ST6GALNAC3: variants seen among roughly 807,000 people sequenced by gnomAD.
ST6GALNAC3 encodes the protein alpha-N-acetylgalactosaminide alpha-2,6-sialyltransferase 3.
ST6GALNAC3 carries 25 observed loss-of-function variants against 32.7 expected under a neutral mutation model. The ratio of observed to expected loss-of-function variants is 0.76; its 90% CI spans 0.56 to 1.07. The LOEUF is 1.07. Ranked by LOEUF, ST6GALNAC3 falls within the 50% of genes least tolerant of loss-of-function variation. The pLI is 0.00. For synonymous variants in ST6GALNAC3, 129 were observed against 133.1 expected, an observed-to-expected ratio of 0.97 and a Z score of 0.21; for missense variants, 355 against 382.4, an observed-to-expected ratio of 0.93 and a Z score of 0.60.
intron 3 of ST6GALNAC3, among the ~76,000 whole-genome samples, chr1:76,444,391 T>C (rs905782627): frequency 6.6e-6 from 1 of 152,158 alleles, no homozygotes; most frequent in Non-Finnish European, 1.5e-5. Context: ...CAGTACCAAT[T>C]CTGGACCTGA....
chr1:76,333,030 C>G lies in ST6GALNAC3; in HGVS notation c.213+19031C>G, dbSNP rs369736940. On this transcript the variant is annotated intron_variant, in intron 2 of 4. Coordinates refer to ENST00000328299, the MANE Select transcript of ST6GALNAC3 (RefSeq NM_152996.4). ...CCATAGGCCCCTGAAAGGCTGGACC[C>G]TCTTTGCATCTCAAGTCTTCTTCTT... Among the ~76,000 whole-genome samples, 18 of 152,272 alleles carry G rather than the reference C, an allele frequency of 1.2e-4. 1 individual carries two copies. The highest frequency in any genetic ancestry group is 4.3e-4 in the African/African-American group (18 of 41,556).
intron 3 of ST6GALNAC3, among the ~76,000 whole-genome samples, chr1:76,415,013 CCTT>C (rs545684004): frequency 1.3e-3 from 197 of 151,920 alleles, no homozygotes; most frequent in Non-Finnish European, 2.3e-3. Flanking sequence ...CCCTGTCTCT[CCTT>C]CTCTCTTCTA....
intron 1 of ST6GALNAC3, among the ~76,000 whole-genome samples, chr1:76,200,348 G>T (rs1480103119): frequency 1.3e-5 from 2 of 152,218 alleles, no homozygotes; most frequent in Non-Finnish European, 2.9e-5. Flanking sequence ...CAGAGAGAAA[G>T]AATTCCCAGT....
intron 1 of ST6GALNAC3, among the ~76,000 whole-genome samples, chr1:76,205,175 T>C (rs1048477768): frequency 2.0e-5 from 3 of 152,240 alleles, no homozygotes; most frequent in Non-Finnish European, 4.4e-5. Flanking sequence ...TTAGATCTGA[T>C]TTAACCCTAA....
At chr1:76,131,408 G>C (rs1376707955) in intron 1 of ST6GALNAC3, among the ~76,000 whole-genome samples, 1 of 152,202 alleles carries the variant, frequency 6.6e-6, no homozygotes, top group Non-Finnish European at 1.5e-5. Context: ...CCTGAGGGAA[G>C]ACGGAAAAAG....
chr1:76,591,878 G>A (rs1647053244), intron 3 of ST6GALNAC3, among the ~76,000 whole-genome samples: 1 of 152,120 alleles, frequency 6.6e-6, no homozygotes, highest in African/African-American at 2.4e-5. Context: ...GAAGAAGAGT[G>A]CCTGGCATGT....
At chr1:76,611,264 A>T (rs991663598) in intron 3 of ST6GALNAC3, among the ~76,000 whole-genome samples, 15 of 151,748 alleles carry the variant, frequency 9.9e-5, no homozygotes, top group African/African-American at 2.4e-4. Context: ...ATTCAAAATA[A>T]TTTTTTTCTA....
At chr1:76,567,078 GGA>G (rs1470091439) in intron 3 of ST6GALNAC3, among the ~76,000 whole-genome samples, 1 of 152,050 alleles carries the variant, frequency 6.6e-6, no homozygotes, top group African/African-American at 2.4e-5. Context: ...AGAAAAGAAG[GGA>G]GAGAGGAAAA....
rs914281656 is a variant in ST6GALNAC3 at position 76,273,961 on chromosome 1, C to A, written c.19-39844C>A. 3.3e-5 allele frequency among the ~76,000 whole-genome samples: 5 copies of A among 152,142 alleles called. No individual in the cohort carries two copies. In the East Asian group the frequency reaches 9.6e-4, roughly 29 times the overall value. ...CAGTGGTAACATGTTTTATGGCCCA[C>A]AGGTGAGAGTCCCATTTATCACAGA... On this transcript the variant is annotated intron_variant, in intron 1 of 4. Transcript: ENST00000328299.
At chr1:76,469,692 C>T (rs1186218688) in intron 3 of ST6GALNAC3, among the ~76,000 whole-genome samples, 2 of 152,060 alleles carry the variant, frequency 1.3e-5, no homozygotes, top group African/African-American at 4.8e-5. Flanking sequence ...TGAGCAGTTA[C>T]TTTATTTCAG....
chr1:76,460,770 A>G (rs1335443914), intron 3 of ST6GALNAC3, among the ~76,000 whole-genome samples: 1 of 152,212 alleles, frequency 6.6e-6, no homozygotes, highest in African/African-American at 2.4e-5. Context: ...ATAGAAATGG[A>G]TGTCTTTCAA....
At chr1:76,348,211 A>G (rs1246349750) in intron 2 of ST6GALNAC3, among the ~76,000 whole-genome samples, 1 of 152,174 alleles carries the variant, frequency 6.6e-6, no homozygotes, top group African/African-American at 2.4e-5. Context: ...ACACTATGGT[A>G]CAGAGATAAC....
At chr1:76,582,262 T>C (rs1240349920) in intron 3 of ST6GALNAC3, among the ~76,000 whole-genome samples, 1 of 152,170 alleles carries the variant, frequency 6.6e-6, no homozygotes, top group Non-Finnish European at 1.5e-5. Flanking sequence ...TGGATATAAA[T>C]GAAAGTTCAA....
At chr1:76,202,889 G>A (rs558152673) in intron 1 of ST6GALNAC3, among the ~76,000 whole-genome samples, 19 of 152,222 alleles carry the variant, frequency 1.2e-4, no homozygotes, top group South Asian at 2.1e-4. Flanking sequence ...TAATTGTGAC[G>A]AAATCAACTA....
In ST6GALNAC3 at chr1:76,628,873, A is replaced by C; in HGVS notation, c.*67A>C. The C allele has an allele frequency of 6.3e-7, 1 of 1,580,400 alleles. No homozygotes were observed. The highest frequency in any genetic ancestry group is 8.6e-7 in the Non-Finnish European group (1 of 1,169,324). Reference sequence around the variant, plus strand: ...CCATACTGCAACTGTGATGCTGATGATGCTAATGGAGATGATGGTAATGAT... The same window carrying C: ...CCATACTGCAACTGTGATGCTGATGCTGCTAATGGAGATGATGGTAATGAT... On this transcript the variant is annotated 3_prime_UTR_variant, in exon 5 of 5. Transcript: ENST00000328299.
chr1:76,275,610 TG>T (rs1453974311), intron 1 of ST6GALNAC3, among the ~76,000 whole-genome samples: 1 of 152,032 alleles, frequency 6.6e-6, no homozygotes, highest in East Asian at 1.9e-4. Flanking sequence ...CTGGTGGGGA[TG>T]GGGTGTAATC....
At position 76,379,820 on chromosome 1, in the gene ST6GALNAC3, G is replaced by GCAAA. The variant is rs557459731; in HGVS notation, c.214-32176_214-32173dup. Among the ~76,000 whole-genome samples, 517 of 152,194 alleles carry GCAAA rather than the reference G, an allele frequency of 3.4e-3. 1 individual carries two copies. The highest frequency in any genetic ancestry group is 5.2e-3 in the Non-Finnish European group (354 of 68,010). On this transcript the variant is annotated intron_variant, in intron 2 of 4. Transcript: ENST00000328299. ...TGGTGGAGTCATGAAAAAGAATTAAGCAAACAAACAAACAAGCCTCACAGA... is the reference window on the plus strand; with the variant it reads ...TGGTGGAGTCATGAAAAAGAATTAAGCAAACAAACAAACAAACAAGCCTCACAGA...
chr1:76,202,646 C>G (rs151102761), intron 1 of ST6GALNAC3, among the ~76,000 whole-genome samples: 372 of 152,180 alleles, frequency 2.4e-3, no homozygotes, highest in African/African-American at 8.3e-3. Context: ...AGTCAGAGTA[C>G]CTATTCCCAA....
intron 1 of ST6GALNAC3, among the ~76,000 whole-genome samples, chr1:76,159,187 CTCTTT>C (rs987197255): frequency 1.3e-5 from 2 of 149,616 alleles, no homozygotes; most frequent in Non-Finnish European, 3.0e-5. Flanking sequence ...CTTTCCTTTT[CTCTTT>C]TCTTTTCTTT....
Sources: allele counts gnomAD v4.1 joint callset (sites outside exome capture counted in the v4.1 genomes callset), GRCh38; gene constraint gnomAD v4.1.1; transcripts MANE v1.5; gene names NCBI Gene and HGNC (gene_info 2026-07-23, HGNC 2026-07-21).